Variants in MX1 observed in about 807,000 individuals in gnomAD.
MX1 encodes MX dynamin like GTPase 1.
A neutral mutation model predicts 66.4 loss-of-function variants in MX1; 66 were observed. The ratio of observed to expected loss-of-function variants is 0.99; its 90% CI spans 0.82 to 1.22. The LOEUF is 1.22. MX1 is among the 50% of genes most tolerant of loss of function. MX1 has a pLI of 0.00. For synonymous variants in MX1, 311 were observed against 318.1 expected (o/e 0.98, Z 0.24); for missense variants, 787 against 834.3 (o/e 0.94, Z 0.70).
At position 41,449,289 on chromosome 21, in the gene MX1, G is replaced by T. The variant is rs780252858; in HGVS notation, c.1426G>T (p.Val476Leu). Residue 476 changes from valine (V) to leucine (L), a missense_variant, in exon 14 of 17, where the codon GTG (valine) becomes TTG (leucine). Physicochemically the swap from Val to Leu is conservative, Grantham distance 32 (BLOSUM62 1). Coordinates refer to ENST00000398598, the MANE Select transcript of MX1 (RefSeq NM_002462.5). The part of the protein sequence containing the change: ...EEPAVDMLHT[V>L]TDMVRLAFTD... Reference sequence around the variant, plus strand: ...GCCGGCTGTGGATATGCTACACACCGTGACGGGTGAGTGCTCAGTTTCACC... The same window carrying T: ...GCCGGCTGTGGATATGCTACACACCTTGACGGGTGAGTGCTCAGTTTCACC... The T allele has an allele frequency of 2.5e-6, 4 of 1,609,490 alleles. No individual in the cohort carries two copies. Among genetic ancestry groups the T allele is most frequent in the Non-Finnish European group, 8.5e-7 (1 of 1,178,654 alleles).
intron 5 of MX1, among the ~76,000 whole-genome samples, chr21:41,434,511 T>C (rs887262104): frequency 1.3e-5 from 2 of 152,256 alleles, no homozygotes; most frequent in Non-Finnish European, 2.9e-5. Context: ...TCCCGTCTGT[T>C]CTTCGTTCCC....
rs150271063 is a variant in MX1, at chr21:41,435,954, G to A, written c.223G>A (p.Val75Ile). 3.8e-4 allele frequency: 621 copies of A among 1,614,110 alleles called. No individual in the cohort carries two copies. Among genetic ancestry groups the A allele is most frequent in the Non-Finnish European group, 4.9e-4 (573 of 1,180,046 alleles). Residue 75 changes from valine to isoleucine, a missense_variant, in exon 6 of 17, where the codon GTC becomes ATC. Coordinates refer to ENST00000398598, the MANE Select transcript of MX1 (RefSeq NM_002462.5). ...GGACCTGGCCCTGCCAGCCATCGCC[G>A]TCATCGGGGACCAGAGCTCGGGCAA... ...EQDLALPAIA[V>I]IGDQSSGKSS...
chr21:41,439,678 C>T lies in MX1; in HGVS notation c.437-16C>T, dbSNP rs149247562. On this transcript the variant is annotated splice_polypyrimidine_tract_variant and intron_variant, in intron 7 of 16. Transcript: ENST00000398598. ...TAAGCTCTGTTTGGGTTTGATTTTCCCTGTCTCTTTTCTAGCCCAGAATGC... is the reference window on the plus strand; with the variant it reads ...TAAGCTCTGTTTGGGTTTGATTTTCTCTGTCTCTTTTCTAGCCCAGAATGC... 8.3e-5 allele frequency: 133 copies of T among 1,611,612 alleles called. No homozygotes were observed. The East Asian group carries it at 2.7e-3, about 33-fold the overall frequency.
chr21:41,445,671 T>C, intron 12 of MX1, 101 bp downstream of exon 12: 1 of 1,504,224 alleles, frequency 6.6e-7, no homozygotes, highest in Non-Finnish European at 9.0e-7. Context: ...CCAAGGCTGA[T>C]CCAAAGACAT....
intron 16 of MX1, among the ~76,000 whole-genome samples, chr21:41,453,871 A>G (rs898746830): frequency 6.9e-6 from 1 of 145,878 alleles, no homozygotes; most frequent in Admixed American, 7.0e-5. Flanking sequence ...AACTTTGTCT[A>G]CAAACTTGAC....
intron 5 of MX1, among the ~76,000 whole-genome samples, chr21:41,433,472 T>A: frequency 6.6e-6 from 1 of 152,122 alleles, no homozygotes; most frequent in African/African-American, 2.4e-5. Flanking sequence ...TTCTATACAG[T>A]AGTAAAGAGG....
chr21:41,425,238 C>A (rs1049867966), upstream of MX1, among the ~76,000 whole-genome samples: 1 of 151,932 alleles, frequency 6.6e-6, no homozygotes, highest in Non-Finnish European at 1.5e-5. Context: ...AGAGAGTCAG[C>A]GAAGGGAGAT....
At chr21:41,421,710 G>T (rs1456608276), upstream of MX1, 1 of 153,720 alleles carries the variant, frequency 6.5e-6, no homozygotes, top group Admixed American at 6.5e-5. Context: ...TTGGGGGTAA[G>T]GTTATAGATT....
At chr21:41,451,588 C>G (rs1417294921) in intron 15 of MX1, among the ~76,000 whole-genome samples, 3 of 152,174 alleles carry the variant, frequency 2.0e-5, no homozygotes, top group Non-Finnish European at 4.4e-5. Flanking sequence ...AATCCCAGCA[C>G]TTTGGGAGGC....
intron 16 of MX1, among the ~76,000 whole-genome samples, chr21:41,454,930 C>T (rs182952105): frequency 4.0e-5 from 6 of 149,818 alleles, no homozygotes; most frequent in South Asian, 4.2e-4. Context: ...TTTTTGAAAC[C>T]GAGTCTCACT....
intron 5 of MX1, among the ~76,000 whole-genome samples, chr21:41,432,556 C>A (rs2090249262): frequency 6.6e-6 from 1 of 152,202 alleles, no homozygotes; most frequent in Non-Finnish European, 1.5e-5. Flanking sequence ...TGTAGGGAAG[C>A]CACGTGGTGA....
intron 15 of MX1, among the ~76,000 whole-genome samples, chr21:41,452,085 G>T (rs1303153320): frequency 6.6e-6 from 1 of 152,108 alleles, no homozygotes; most frequent in African/African-American, 2.4e-5. Context: ...TCCTCAGAAG[G>T]TTGAGATGGA....
At chr21:41,422,453 C>A (rs1428319930), upstream of MX1, among the ~76,000 whole-genome samples, 1 of 152,188 alleles carries the variant, frequency 6.6e-6, no homozygotes, top group Non-Finnish European at 1.5e-5. Flanking sequence ...TCACTTCAGG[C>A]AGGGGAGATG....
intron 12 of MX1, 69 bp from the exon 13 acceptor site, chr21:41,445,931 G>A: frequency 6.3e-7 from 1 of 1,579,848 alleles, no homozygotes; most frequent in Non-Finnish European, 8.6e-7. Flanking sequence ...CATAGGCACG[G>A]CCTCCAAATG....
At chr21:41,436,634 G>A (rs566814591) in intron 6 of MX1, among the ~76,000 whole-genome samples, 1 of 152,280 alleles carries the variant, frequency 6.6e-6, no homozygotes, top group East Asian at 1.9e-4. Flanking sequence ...CCTGGTAGCA[G>A]CAGGATGCTT....
upstream of MX1, chr21:41,425,948 G>A (rs1020358508): frequency 1.3e-5 from 2 of 152,754 alleles, no homozygotes; most frequent in Non-Finnish European, 2.9e-5. Context: ...TAGGTTCAAG[G>A]ATACGTGCAG....
Position 41,441,642 on chromosome 21 carries a change from G to A in MX1, c.731-74G>A. On this transcript the variant is annotated intron_variant, in intron 9 of 16. Transcript: ENST00000398598. The surrounding 1 kb of genome is among the most constrained non-coding windows in gnomAD (Gnocchi z 4.0). ...TGGGAGGAAACCCTGGGAGGCCGGG[G>A]GCGTGAGCAGTTGTTCGTTCACCTC... 6.7e-7 allele frequency: 1 copy of A among 1,494,122 alleles called. No individual in the cohort carries two copies. The allele number at this position is 1,494,122 out of a possible 1,614,324, so 92.6% of individuals were successfully genotyped here. A position where few individuals can be genotyped will look rare whatever the true frequency, so the allele number is the denominator to read the frequency against.
At position 41,435,387 on chromosome 21, in the gene MX1, C is replaced by G. The variant is rs138113694; in HGVS notation, c.106-450C>G. ...CATTCTCTTTTGGGGATTCCAGTAA[C>G]CTGTGTATTAGACTTATTGAAGTTG... On this transcript the variant is annotated intron_variant, in intron 5 of 16. Coordinates refer to ENST00000398598, the MANE Select transcript of MX1 (RefSeq NM_002462.5). 1.2e-3 allele frequency among the ~76,000 whole-genome samples: 183 copies of G among 152,198 alleles called. 1 individual carries two copies. The highest frequency in any genetic ancestry group is 1.1e-3 in the Non-Finnish European group (73 of 68,014).
chr21:41,431,943 T>C, intron 4 of MX1, 107 bp from the exon 5 acceptor site: 1 of 791,224 alleles, frequency 1.3e-6, no homozygotes, highest in Non-Finnish European at 2.1e-6. Flanking sequence ...GAACAACTAG[T>C]CAGAGTCCCC....
Sources: gnomAD v4.1 joint callset for allele counts (sites outside exome capture counted in the v4.1 genomes callset) on GRCh38, gnomAD v4.1.1 for gene constraint, Gnocchi (gnomAD v3.1) non-coding constraint, MANE v1.5 for transcripts, NCBI Gene and HGNC (gene_info 2026-07-23, HGNC 2026-07-21) for gene names.